CMIP: variants seen among roughly 807,000 people sequenced by gnomAD.
CMIP encodes the protein c-Maf inducing protein, also known as C-Maf-inducing protein.
In CMIP, 13 loss-of-function variants were observed where a neutral mutation model predicts 97.3. That is an observed-to-expected ratio of 0.13 (90% CI 0.09 to 0.21). The LOEUF (loss-of-function observed/expected upper bound fraction) is 0.21. Among genes scored for constraint, CMIP ranks in the 10% least tolerant of loss-of-function variants. The pLI, the probability that CMIP is intolerant of heterozygous loss-of-function variation, is 1.00. For missense variants in CMIP, 847 were observed against 1,024.9 expected (o/e 0.83, Z 2.37); for synonymous variants, 538 against 436.3 (o/e 1.23, Z -2.91).
chr16:81,597,503 G>A (rs2091577591), intron 1 of CMIP, among the ~76,000 whole-genome samples: 1 of 151,196 alleles, frequency 6.6e-6, no homozygotes, highest in Non-Finnish European at 1.5e-5. Flanking sequence ...TCATGAGAGT[G>A]ATGCAATACC....
intron 1 of CMIP, among the ~76,000 whole-genome samples, chr16:81,473,449 G>T (rs1907682034): frequency 6.7e-6 from 1 of 150,280 alleles, no homozygotes; most frequent in African/African-American, 2.5e-5. Context: ...GTCTTTGTTG[G>T]TTTTCTTTTT....
chr16:81,511,413 C>CG (rs2089807273), intron 1 of CMIP, among the ~76,000 whole-genome samples: 1 of 152,194 alleles, frequency 6.6e-6, no homozygotes, highest in African/African-American at 2.4e-5. Context: ...CCTGTATTTG[C>CG]TTACTGAAGG....
chr16:81,663,132 C>T (rs1426180078), intron 6 of CMIP, among the ~76,000 whole-genome samples: 1 of 151,830 alleles, frequency 6.6e-6, no homozygotes, highest in Non-Finnish European at 1.5e-5. Flanking sequence ...CTATGGCACT[C>T]GTAGGTATTT....
chr16:81,672,681 T>C (rs1233731176), intron 9 of CMIP, among the ~76,000 whole-genome samples: 1 of 152,094 alleles, frequency 6.6e-6, no homozygotes, highest in African/African-American at 2.4e-5. Flanking sequence ...GCTCAAGCCG[T>C]CCTCCCACCT....
At chr16:81,705,640 C>A in intron 19 of CMIP, 36 bp downstream of exon 19, 2 of 1,372,476 alleles carry the variant, frequency 1.5e-6, no homozygotes, top group Non-Finnish European at 1.0e-6. Context: ...GGTGAGGGGC[C>A]GCTTGATTCA....
chr16:81,464,305 T>A (rs1390375834), intron 1 of CMIP: 1 of 152,256 alleles, frequency 6.6e-6, no homozygotes, highest in Non-Finnish European at 1.5e-5. Context: ...AGAGGAAAGA[T>A]GACATCTGGT....
intron 1 of CMIP, among the ~76,000 whole-genome samples, chr16:81,524,708 G>T (rs1214010077): frequency 1.3e-5 from 2 of 152,336 alleles, no homozygotes; most frequent in East Asian, 1.9e-4. Flanking sequence ...CAGCGACTCA[G>T]CTGTCAGTCA....
intron 1 of CMIP, among the ~76,000 whole-genome samples, chr16:81,487,082 C>A (rs925279776): frequency 1.3e-5 from 2 of 152,200 alleles, no homozygotes; most frequent in African/African-American, 4.8e-5. Context: ...CAGAAGGGGA[C>A]GCCTGCTGGG....
chr16:81,512,948 G>C (rs1429375184), intron 1 of CMIP, among the ~76,000 whole-genome samples: 2 of 152,176 alleles, frequency 1.3e-5, no homozygotes, highest in East Asian at 3.8e-4. Context: ...TGTTGCCCAA[G>C]CTGGTCTCAA....
At chr16:81,503,169 A>T (rs1325913742) in intron 1 of CMIP, among the ~76,000 whole-genome samples, 10 of 152,132 alleles carry the variant, frequency 6.6e-5, no homozygotes, top group Non-Finnish European at 4.4e-5. Flanking sequence ...TCCCAATTAT[A>T]CTGAAAGTCT....
rs1259734631 is a variant in CMIP, at chr16:81,588,258, T to C, written c.301-19309T>C. Among the ~76,000 whole-genome samples the C allele has an allele frequency of 2.0e-5, 3 of 152,222 alleles. No individual in the cohort carries two copies. In the East Asian group the frequency reaches 5.8e-4, roughly 29 times the overall value. On this transcript the variant is annotated intron_variant, in intron 1 of 20. Transcript: ENST00000537098. The stretch of plus-strand genomic sequence containing the variant: ...GACGGCTTGCATAGTTTTTGTTTTT[T>C]GGCCAGAAAAAGTACCCAAGTCTGT...
intron 1 of CMIP, among the ~76,000 whole-genome samples, chr16:81,446,069 C>T (rs764219107): frequency 4.9e-4 from 75 of 152,242 alleles, no homozygotes; most frequent in Admixed American, 2.7e-3. Context: ...ATTCTCTTTC[C>T]TGCCAGGGCT....
intron 2 of CMIP, among the ~76,000 whole-genome samples, chr16:81,611,925 C>T (rs1265243736): frequency 6.6e-6 from 1 of 152,204 alleles, no homozygotes; most frequent in East Asian, 1.9e-4. Context: ...CAGACAGAGG[C>T]GCCCAGCCTT....
chr16:81,617,783 C>G (rs1359702508), intron 2 of CMIP, among the ~76,000 whole-genome samples: 1 of 152,216 alleles, frequency 6.6e-6, no homozygotes, highest in African/African-American at 2.4e-5. Context: ...TCCATTCATT[C>G]CTTTGTTCAT....
At chr16:81,608,100 A>G (rs2091774000) in intron 2 of CMIP, among the ~76,000 whole-genome samples, 1 of 152,204 alleles carries the variant, frequency 6.6e-6, no homozygotes, top group Non-Finnish European at 1.5e-5. Context: ...GGAGTTTCTG[A>G]TATCTTGTTG....
intron 1 of CMIP, among the ~76,000 whole-genome samples, chr16:81,450,217 T>C (rs1399462799): frequency 6.6e-6 from 1 of 152,186 alleles, no homozygotes; most frequent in Non-Finnish European, 1.5e-5. Flanking sequence ...AATTGGTGTT[T>C]TGTTGGCATG....
chr16:81,546,508 C>A (rs991257770), intron 1 of CMIP, among the ~76,000 whole-genome samples: 3 of 152,200 alleles, frequency 2.0e-5, no homozygotes, highest in Non-Finnish European at 2.9e-5. Flanking sequence ...GCGGTTCATT[C>A]ATTCACCCAT....
chr16:81,571,606 A>AG (rs1365873926), intron 1 of CMIP, among the ~76,000 whole-genome samples: 2 of 150,382 alleles, frequency 1.3e-5, no homozygotes, highest in Non-Finnish European at 3.0e-5. Flanking sequence ...AAAAAAAAAA[A>AG]AAAAATTAAG....
intron 2 of CMIP, chr16:81,617,550 C>G (rs902044617): frequency 6.6e-6 from 1 of 152,412 alleles, no homozygotes. Flanking sequence ...AAGGGCTGGG[C>G]TAGCCATCGT....
Sources: allele counts gnomAD v4.1 joint callset (sites outside exome capture counted in the v4.1 genomes callset), GRCh38; gene constraint gnomAD v4.1.1; transcripts MANE v1.5; gene names NCBI Gene and HGNC (gene_info 2026-07-23, HGNC 2026-07-21).